SLC4A10: variants seen among roughly 807,000 people sequenced by gnomAD.
SLC4A10 encodes the protein sodium-driven chloride bicarbonate exchanger.
In SLC4A10, 42 loss-of-function variants were observed where a neutral mutation model predicts 137.7. The ratio of observed to expected loss-of-function variants is 0.30; its 90% CI spans 0.24 to 0.39. The LOEUF (loss-of-function observed/expected upper bound fraction) is 0.39, where lower values mean the gene tolerates loss of function less well. SLC4A10 is among the 10% of genes least tolerant of loss of function. The probability of loss-of-function intolerance (pLI) is 1.00; values close to 1 mark genes in which losing one functional copy is unlikely to be tolerated. For missense variants in SLC4A10, 925 were observed against 1,355.0 expected, an observed-to-expected ratio of 0.68 and a Z score of 4.98; for synonymous variants, 474 against 464.1, an observed-to-expected ratio of 1.02 and a Z score of -0.27.
intron 3 of SLC4A10, among the ~76,000 whole-genome samples, 192 bp from the exon 4 acceptor site, chr2:161,839,597 G>A (rs1394233469): frequency 2.0e-5 from 3 of 151,616 alleles, no homozygotes; most frequent in African/African-American, 2.4e-5. Flanking sequence ...AATTATACTG[G>A]ACTTCATGTA....
rs769531362 is a variant in SLC4A10 at position 161,771,095 on chromosome 2, C to T, written c.130+41C>T. 5 of 1,368,904 alleles carry T rather than the reference C, an allele frequency of 3.7e-6. No homozygotes were observed. In the East Asian group the frequency reaches 9.5e-5, roughly 26 times the overall value. 84.8% of individuals were successfully genotyped at this position (1,368,904 alleles called of 1,614,324 possible). ...TTGGGATAGCTATTGGTGTGCTTTC[C>T]AAAAGTATTTCACAGATAAATGTAG... On this transcript the variant is annotated intron_variant, in intron 2 of 26. Coordinates refer to ENST00000446997, the MANE Select transcript of SLC4A10 (RefSeq NM_001178015.2).
chr2:161,869,461 T>C (rs1191934639), intron 6 of SLC4A10, among the ~76,000 whole-genome samples: 2 of 151,658 alleles, frequency 1.3e-5, no homozygotes, highest in African/African-American at 4.8e-5. Context: ...ATTTTTAATT[T>C]ATGAGGTTTC....
At chr2:161,790,598 A>G (rs2054092560) in intron 2 of SLC4A10, among the ~76,000 whole-genome samples, 1 of 152,162 alleles carries the variant, frequency 6.6e-6, no homozygotes, top group African/African-American at 2.4e-5. Context: ...TTTCAGGATG[A>G]GAAATGTGGA....
At chr2:161,660,141 C>T (rs1388124245) in intron 1 of SLC4A10, among the ~76,000 whole-genome samples, 1 of 152,132 alleles carries the variant, frequency 6.6e-6, no homozygotes, top group Non-Finnish European at 1.5e-5. Context: ...GAATTGTGCA[C>T]TTTAAATGGT....
At chr2:161,670,714 T>C (rs985811842) in intron 1 of SLC4A10, among the ~76,000 whole-genome samples, 7 of 152,106 alleles carry the variant, frequency 4.6e-5, no homozygotes, top group Admixed American at 3.9e-4. Context: ...TTATTAGTTT[T>C]GCAAAAAATT....
chr2:161,933,741 G>C (rs908316295), intron 15 of SLC4A10, among the ~76,000 whole-genome samples: 2 of 152,274 alleles, frequency 1.3e-5, no homozygotes, highest in Admixed American at 1.3e-4. Flanking sequence ...TGGGCACTTA[G>C]GTTGATTCCA....
At chr2:161,787,751 T>C (rs576336725) in intron 2 of SLC4A10, among the ~76,000 whole-genome samples, 56 of 152,290 alleles carry the variant, frequency 3.7e-4, no homozygotes, top group Non-Finnish European at 6.6e-4. Flanking sequence ...CTTTTGTGAA[T>C]TTTTTTATTT....
At chr2:161,628,706 C>T (rs1007354543) in intron 1 of SLC4A10, among the ~76,000 whole-genome samples, 6 of 151,848 alleles carry the variant, frequency 4.0e-5, no homozygotes. Context: ...GAAATTAATC[C>T]CCGTTTCTAC....
Position 161,905,897 on chromosome 2 carries a change from A to G in SLC4A10, c.1997+10A>G, listed in dbSNP as rs767091969. 1.3e-6 allele frequency: 2 copies of G among 1,584,968 alleles called. No individual in the cohort carries two copies. Among genetic ancestry groups the G allele is most frequent in the Admixed American group, 3.6e-5 (2 of 55,426 alleles). ...TGCTGACACAATACTCGTAAGTACC[A>G]TTTCCCCTGCTGGCCTTGGGGCTTT... On this transcript the variant is annotated intron_variant, in intron 15 of 26. Transcript: ENST00000446997.
chr2:161,753,363 C>T (rs780564267), intron 1 of SLC4A10, among the ~76,000 whole-genome samples: 4 of 152,146 alleles, frequency 2.6e-5, no homozygotes, highest in Non-Finnish European at 2.9e-5. Context: ...ATTCTTTACA[C>T]TATTTCAAAA....
chr2:161,824,975 G>T (rs949358418), intron 3 of SLC4A10, among the ~76,000 whole-genome samples: 4 of 152,010 alleles, frequency 2.6e-5, no homozygotes, highest in African/African-American at 9.7e-5. Context: ...AAGACAATGA[G>T]GATCAAGTCC....
At chr2:161,754,711 T>A (rs996596878) in intron 1 of SLC4A10, among the ~76,000 whole-genome samples, 2 of 152,180 alleles carry the variant, frequency 1.3e-5, no homozygotes, top group Non-Finnish European at 2.9e-5. Flanking sequence ...TAGATATATA[T>A]GCAATGCATT....
At chr2:161,907,055 CAAAA>C (rs556899761) in intron 15 of SLC4A10, among the ~76,000 whole-genome samples, 4 of 90,884 alleles carry the variant, frequency 4.4e-5, no homozygotes, top group Non-Finnish European at 9.4e-5. Flanking sequence ...GACTCCGTCT[CAAAA>C]AAAAAAAAAA....
At chr2:161,716,138 G>T (rs1311976532) in intron 1 of SLC4A10, among the ~76,000 whole-genome samples, 1 of 150,034 alleles carries the variant, frequency 6.7e-6, no homozygotes, top group Non-Finnish European at 1.5e-5. Context: ...ATCTTCTTTT[G>T]AGAAGTGTCT....
At chr2:161,839,649 G>A (rs796352119) in intron 3 of SLC4A10, 140 bp from the exon 4 acceptor site, 10 of 768,872 alleles carry the variant, frequency 1.3e-5, no homozygotes, top group African/African-American at 5.2e-5. Context: ...ATTTGGATGA[G>A]TGTTGCAGTG....
rs534179043 is a variant in SLC4A10, at chr2:161,891,002, T to A, written c.1195-3677T>A. Among the ~76,000 whole-genome samples, 97 of 152,316 alleles carry A rather than the reference T, an allele frequency of 6.4e-4. 1 individual carries two copies. The Middle Eastern group carries it at 0.014, about 21-fold the overall frequency. ...TAAGGCAGGCCTGGTAGTGACAAAA[T>A]CTCTCAGCATTTGCTTGTCTGTAAA... On this transcript the variant is annotated intron_variant, in intron 10 of 26. Transcript: ENST00000446997.
chr2:161,719,974 A>C lies in SLC4A10; in HGVS notation c.49-50999A>C, dbSNP rs1023364335. ...TTAGACATGAAGTCCTTGCCCATGC[A>C]TATGTCCTGAATGGTAATGCCTAGG... On this transcript the variant is annotated intron_variant, in intron 1 of 26. Transcript: ENST00000446997. Among the ~76,000 whole-genome samples, 520 of 152,240 alleles carry C rather than the reference A, an allele frequency of 3.4e-3. 2 individuals are homozygous for C. The highest frequency in any genetic ancestry group is 2.7e-3 in the Non-Finnish European group (181 of 68,008).
intron 19 of SLC4A10, among the ~76,000 whole-genome samples, chr2:161,951,590 C>T (rs1694813331): frequency 1.3e-5 from 2 of 152,100 alleles, no homozygotes; most frequent in South Asian, 4.1e-4. Flanking sequence ...AAAAACATAA[C>T]ATGCACAATC....
intron 2 of SLC4A10, among the ~76,000 whole-genome samples, chr2:161,788,512 C>T (rs1007969710): frequency 6.6e-6 from 1 of 151,748 alleles, no homozygotes; most frequent in Non-Finnish European, 1.5e-5. Context: ...GGGCAGGGGG[C>T]CTGCATTAGC....
Sources: allele counts gnomAD v4.1 joint callset (sites outside exome capture counted in the v4.1 genomes callset), GRCh38; gene constraint gnomAD v4.1.1; transcripts MANE v1.5; gene names NCBI Gene and HGNC (gene_info 2026-07-23, HGNC 2026-07-21).